PDE4D: variants seen among roughly 807,000 people sequenced by gnomAD.
PDE4D encodes phosphodiesterase 4D.
In PDE4D, 24 loss-of-function variants were observed where a neutral mutation model predicts 87.4. The ratio of observed to expected loss-of-function variants is 0.27; its 90% CI spans 0.20 to 0.39. The LOEUF (loss-of-function observed/expected upper bound fraction) is 0.39. PDE4D is among the 10% of genes least tolerant of loss of function. PDE4D has a pLI of 1.00. For synonymous variants in PDE4D, 384 were observed against 383.2 expected, an observed-to-expected ratio of 1.00 and a Z score of -0.02; for missense variants, 714 against 1,041.0, an observed-to-expected ratio of 0.69 and a Z score of 4.32.
At chr5:59,610,803 A>G (rs780915917) in intron 1 of PDE4D, among the ~76,000 whole-genome samples, 3 of 152,224 alleles carry the variant, frequency 2.0e-5, no homozygotes, top group Non-Finnish European at 4.4e-5. Flanking sequence ...TGAAGTCTGT[A>G]AGGCTATGGA....
chr5:59,916,288 A>T (rs561412479), intron 3 of PDE4D, among the ~76,000 whole-genome samples: 2 of 152,264 alleles, frequency 1.3e-5, no homozygotes, highest in Non-Finnish European at 2.9e-5. Flanking sequence ...AGCATTTTCT[A>T]TAACAACAAA....
chr5:60,374,892 TA>T (rs935966482), intron 1 of PDE4D, among the ~76,000 whole-genome samples: 20 of 152,330 alleles, frequency 1.3e-4, no homozygotes, highest in African/African-American at 3.8e-4. Context: ...TGTATACGTA[TA>T]TTTTTTTTCT....
At chr5:59,363,832 G>A (rs779299313) in intron 1 of PDE4D, among the ~76,000 whole-genome samples, 4 of 152,152 alleles carry the variant, frequency 2.6e-5, no homozygotes, top group Non-Finnish European at 5.9e-5. Flanking sequence ...TGGGACTGAG[G>A]CTGCAAGTAG....
intron 1 of PDE4D, among the ~76,000 whole-genome samples, chr5:59,788,178 A>G (rs1331695161): frequency 6.6e-6 from 1 of 152,226 alleles, no homozygotes; most frequent in Admixed American, 6.5e-5. Flanking sequence ...GATGAAGTTT[A>G]ACATGTTTAA....
intron 2 of PDE4D, among the ~76,000 whole-genome samples, chr5:60,175,316 T>C (rs1432794287): frequency 3.3e-5 from 5 of 152,162 alleles, no homozygotes; most frequent in Non-Finnish European, 7.4e-5. Context: ...ATTACCTATC[T>C]GATCTCACAT....
chr5:59,180,251 T>C (rs145768768), intron 5 of PDE4D: 326 of 420,016 alleles, frequency 7.8e-4, no homozygotes, highest in Middle Eastern at 4.7e-3. Flanking sequence ...TGACATATTA[T>C]ATCATGCTAA....
intron 1 of PDE4D, among the ~76,000 whole-genome samples, chr5:59,384,766 T>G (rs391377): frequency 0.38 from 56,137 of 149,034 alleles, 11,612 homozygotes; most frequent in African/African-American, 0.58. Context: ...ATGCTTATAC[T>G]GGGTTTTTTT....
chr5:59,077,330 A>C (rs1765854397), intron 5 of PDE4D, among the ~76,000 whole-genome samples: 1 of 152,174 alleles, frequency 6.6e-6, no homozygotes. Flanking sequence ...TTAAAACTTC[A>C]ATTTTTCACA....
At chr5:59,353,247 A>ATATT (rs1780813437) in intron 1 of PDE4D, among the ~76,000 whole-genome samples, 1 of 152,082 alleles carries the variant, frequency 6.6e-6, no homozygotes, top group African/African-American at 2.4e-5. Context: ...AAGCAATAAT[A>ATATT]TATTTTAAAT....
chr5:59,193,460 C>A (rs1744766085), intron 3 of PDE4D, 40 bp downstream of exon 3: 2 of 1,584,958 alleles, frequency 1.3e-6, no homozygotes, highest in African/African-American at 2.7e-5. Context: ...TAAATTTTTA[C>A]ATCTGTGAGA....
chr5:59,856,694 T>TTG (rs1486556295), intron 1 of PDE4D, among the ~76,000 whole-genome samples: 1 of 152,100 alleles, frequency 6.6e-6, no homozygotes, highest in Non-Finnish European at 1.5e-5. Context: ...TCAACTGAAG[T>TTG]AAATCATGGG....
At chr5:60,418,580 A>T (rs1207260836) in intron 1 of PDE4D, among the ~76,000 whole-genome samples, 5 of 151,002 alleles carry the variant, frequency 3.3e-5, no homozygotes, top group African/African-American at 4.9e-5. Flanking sequence ...TGTACTTTAA[A>T]TTTTTTTATT....
At chr5:59,729,600 G>A (rs1242591766) in intron 1 of PDE4D, among the ~76,000 whole-genome samples, 1 of 151,676 alleles carries the variant, frequency 6.6e-6, no homozygotes, top group African/African-American at 2.4e-5. Context: ...TTTACTAGTG[G>A]AACCACTAAT....
chr5:59,664,109 A>G lies in PDE4D; in HGVS notation c.455+229059T>C, dbSNP rs386452766. On this transcript the variant is annotated intron_variant, in intron 1 of 14. Coordinates refer to ENST00000340635, the MANE Select transcript of PDE4D (RefSeq NM_001104631.2). Reference sequence around the variant, plus strand: ...AGTTAGTGAGAGTTTTCATGCTAATATCAACATTTTATTCTTTTTTGCTCA... The same window carrying G: ...AGTTAGTGAGAGTTTTCATGCTAATGTCAACATTTTATTCTTTTTTGCTCA... Among the ~76,000 whole-genome samples, 520 of 152,308 alleles carry G rather than the reference A, an allele frequency of 3.4e-3. 4 individuals carry two copies. Among genetic ancestry groups the G allele is most frequent in the Middle Eastern group, 0.014 (4 of 294 alleles).
intron 2 of PDE4D, among the ~76,000 whole-genome samples, chr5:60,075,042 C>T (rs1773138119): frequency 6.6e-6 from 1 of 152,136 alleles, no homozygotes; most frequent in Non-Finnish European, 1.5e-5. Context: ...TTGATCCTGT[C>T]ATCATGTTGT....
At chr5:59,800,712 T>G (rs1767028630) in intron 1 of PDE4D, among the ~76,000 whole-genome samples, 2 of 151,954 alleles carry the variant, frequency 1.3e-5, no homozygotes. Flanking sequence ...GAGCTCACAG[T>G]CAGCAAAGCT....
At chr5:60,317,767 G>A (rs1466960838) in intron 1 of PDE4D, among the ~76,000 whole-genome samples, 1 of 152,194 alleles carries the variant, frequency 6.6e-6, no homozygotes, top group Non-Finnish European at 1.5e-5. Context: ...TTCAGGAGCA[G>A]GTTGCTCAGT....
chr5:59,498,015 T>G (rs955552869), intron 1 of PDE4D, among the ~76,000 whole-genome samples: 1 of 152,096 alleles, frequency 6.6e-6, no homozygotes, highest in African/African-American at 2.4e-5. Flanking sequence ...ATTGGGGGAC[T>G]ATTTTTAGCA....
intron 1 of PDE4D, among the ~76,000 whole-genome samples, chr5:59,882,005 G>T (rs1039010249): frequency 7.9e-5 from 12 of 152,126 alleles, no homozygotes; most frequent in Non-Finnish European, 1.3e-4. Flanking sequence ...ACAAAGTTTG[G>T]CCTATCCCAT....
Sources: allele counts gnomAD v4.1 joint callset (sites outside exome capture counted in the v4.1 genomes callset), GRCh38; gene constraint gnomAD v4.1.1; transcripts MANE v1.5; gene names NCBI Gene and HGNC (gene_info 2026-07-23, HGNC 2026-07-21).